Variants in DPP6 observed in about 807,000 individuals in gnomAD.
DPP6 encodes dipeptidyl peptidase like 6.
Under a neutral mutation model 122.6 loss-of-function variants are expected in DPP6, and 69 were observed. The ratio of observed to expected loss-of-function variants is 0.56; its 90% CI spans 0.46 to 0.69. The LOEUF is 0.69. Among genes scored for constraint, DPP6 ranks in the 30% least tolerant of loss-of-function variants. DPP6 has a pLI of 0.00. For missense variants in DPP6, 928 were observed against 1,116.9 expected, an observed-to-expected ratio of 0.83 and a Z score of 2.41; for synonymous variants, 418 against 433.1, an observed-to-expected ratio of 0.97 and a Z score of 0.43.
rs529461437 is a variant in DPP6, at chr7:154,889,166, G to A, written c.2305-106G>A. 1.0e-4 allele frequency: 155 copies of A among 1,477,832 alleles called. No homozygotes were observed. The Middle Eastern group carries it at 1.8e-3, about 18-fold the overall frequency. 91.5% of individuals were successfully genotyped at this position (1,477,832 alleles called of 1,614,324 possible). ...CATCCCGGTTCTCCGGGAACTTAGT[G>A]TTTTCAATACACTTCACCTACCTTC... On this transcript the variant is annotated intron_variant, in intron 23 of 25. Coordinates refer to ENST00000377770, the MANE Select transcript of DPP6 (RefSeq NM_130797.4).
At chr7:154,293,472 G>A (rs1025004787) in intron 1 of DPP6, among the ~76,000 whole-genome samples, 30 of 152,268 alleles carry the variant, frequency 2.0e-4, no homozygotes, top group African/African-American at 7.0e-4. Flanking sequence ...GGAGAGGGGG[G>A]AAATGGAGCC....
intron 1 of DPP6, among the ~76,000 whole-genome samples, chr7:153,998,895 C>A (rs1012787173): frequency 1.3e-5 from 2 of 152,216 alleles, no homozygotes; most frequent in African/African-American, 4.8e-5. Flanking sequence ...GATAGAGAGT[C>A]AATTATGCCT....
upstream of DPP6, among the ~76,000 whole-genome samples, chr7:154,050,103 T>G (rs151259356): frequency 8.4e-3 from 1,283 of 152,344 alleles, 13 homozygotes; most frequent in South Asian, 0.028. Flanking sequence ...CCTCCGTTTC[T>G]TCTGCTTAAT....
At position 154,807,109 on chromosome 7, in the gene DPP6, G is replaced by A. The variant is rs1484002939; in HGVS notation, c.1663G>A (p.Glu555Lys). ...CATGGACTTCTTCCTGCTCAAGTGCGAAGGTCAGCTCCTGCCACCCCGTCA... is the reference window on the plus strand; with the variant it reads ...CATGGACTTCTTCCTGCTCAAGTGCAAAGGTCAGCTCCTGCCACCCCGTCA... ...HSMDFFLLKC[E>K]GPGVPMVTVH... Residue 555 changes from glutamate (E) to lysine (K), a missense_variant, in exon 16 of 26, where the codon GAA becomes AAA. Coordinates refer to ENST00000377770, the MANE Select transcript of DPP6 (RefSeq NM_130797.4). 15 of 1,611,692 alleles carry A rather than the reference G, an allele frequency of 9.3e-6. No homozygotes were observed. Among genetic ancestry groups the A allele is most frequent in the Non-Finnish European group, 1.2e-5 (14 of 1,179,248 alleles).
the DPP6 span, among the ~76,000 whole-genome samples, chr7:153,798,345 C>A: frequency 6.6e-6 from 1 of 152,196 alleles, no homozygotes; most frequent in Non-Finnish European, 1.5e-5. Flanking sequence ...GATATTGGTT[C>A]TTTGGTTTTC....
rs558359171 is a variant in DPP6 at position 154,795,951 on chromosome 7, G to A, written c.1299+68G>A. The A allele has an allele frequency of 2.1e-5, 33 of 1,555,612 alleles. No homozygotes were observed. In the Admixed American group the frequency reaches 6.6e-4, roughly 31 times the overall value. ...ATCCACCCCAGGGCTGGCCCTCAGA[G>A]CTTCGACAACAGCAGAATGGCTTCT... On this transcript the variant is annotated intron_variant, in intron 12 of 25. Transcript: ENST00000377770.
intron 1 of DPP6, among the ~76,000 whole-genome samples, chr7:153,944,497 G>A (rs184410597): frequency 9.3e-4 from 141 of 152,062 alleles, no homozygotes; most frequent in Middle Eastern, 3.4e-3. Flanking sequence ...CACCTTCCTC[G>A]AAGGGGTGGC....
intron 1 of DPP6, among the ~76,000 whole-genome samples, chr7:154,101,618 T>C (rs1805730120): frequency 6.6e-6 from 1 of 151,942 alleles, no homozygotes; most frequent in Non-Finnish European, 1.5e-5. Context: ...ACTAGGATGT[T>C]GCATGGAGAT....
chr7:154,761,718 T>C (rs909186356), intron 8 of DPP6, among the ~76,000 whole-genome samples: 1 of 151,986 alleles, frequency 6.6e-6, no homozygotes, highest in Non-Finnish European at 1.5e-5. Context: ...GGTTTTATTT[T>C]ATTTTTATTT....
At chr7:154,063,985 A>T (rs1372332123) in intron 1 of DPP6, among the ~76,000 whole-genome samples, 1 of 151,980 alleles carries the variant, frequency 6.6e-6, no homozygotes, top group Non-Finnish European at 1.5e-5. Context: ...GCAAACGCAA[A>T]GCCCAGGAAG....
At position 154,282,116 on chromosome 7, in the gene DPP6, G is replaced by T. The variant is rs1804554147; in HGVS notation, c.244-164098G>T. 6.6e-6 allele frequency among the ~76,000 whole-genome samples: 1 copy of T among 152,206 alleles called. No individual in the cohort carries two copies. The highest frequency in any genetic ancestry group is 1.5e-5 in the Non-Finnish European group (1 of 68,010). ...CAAGTGTAATGATGTGTGTTGAGGG[G>T]TGGGGACAGGGCTGGCACAGTGCCT... is the stretch of plus-strand genomic sequence containing the variant. On this transcript the variant is annotated intron_variant, in intron 1 of 25. Coordinates refer to ENST00000377770, the MANE Select transcript of DPP6 (RefSeq NM_130797.4). This position sits in a 1 kb window ranked among gnomAD's most constrained non-coding sequence, Gnocchi z 4.8.
chr7:154,616,521 T>G (rs1479504754), intron 5 of DPP6, among the ~76,000 whole-genome samples: 1 of 151,974 alleles, frequency 6.6e-6, no homozygotes, highest in Non-Finnish European at 1.5e-5. Context: ...GTTGCTGGTT[T>G]AGGAGGGCTG....
At chr7:154,832,947 A>T (rs184596742) in intron 16 of DPP6, among the ~76,000 whole-genome samples, 17 of 152,360 alleles carry the variant, frequency 1.1e-4, no homozygotes, top group Admixed American at 1.0e-3. Flanking sequence ...CGAGCCCTCC[A>T]GTTCGAGAAG....
intron 8 of DPP6, among the ~76,000 whole-genome samples, chr7:154,740,816 C>A (rs1267975633): frequency 6.6e-6 from 1 of 152,088 alleles, no homozygotes; most frequent in Non-Finnish European, 1.5e-5. Context: ...AGGACATTTG[C>A]GTACTGGGAG....
At chr7:153,869,122 T>C in the DPP6 span, among the ~76,000 whole-genome samples, 196 of 152,286 alleles carry the variant, frequency 1.3e-3, no homozygotes, top group African/African-American at 4.5e-3. Flanking sequence ...AAAGAATGTA[T>C]ATTCTGTTGA....
intron 5 of DPP6, among the ~76,000 whole-genome samples, chr7:154,636,844 G>C (rs1835756041): frequency 6.6e-6 from 1 of 152,158 alleles, no homozygotes; most frequent in African/African-American, 2.4e-5. Flanking sequence ...CCTTGGATAT[G>C]TCTGCCTTTG....
Position 154,190,815 on chromosome 7 carries a change from T to C in DPP6, c.243+137752T>C, listed in dbSNP as rs188576680. On this transcript the variant is annotated intron_variant, in intron 1 of 25. Coordinates refer to ENST00000377770, the MANE Select transcript of DPP6 (RefSeq NM_130797.4). ...AAGCAAAAAGGGCATTGAATAGGTT[T>C]TTCATAGGATGGCCCTTCAAATAAC... Among the ~76,000 whole-genome samples the C allele has an allele frequency of 2.6e-3, 394 of 152,292 alleles. 5 individuals are homozygous for C. Among genetic ancestry groups the C allele is most frequent in the Non-Finnish European group, 3.1e-3 (212 of 68,028 alleles).
Position 154,248,595 on chromosome 7 carries a change from G to A in DPP6, c.243+195532G>A, listed in dbSNP as rs892440015. Among the ~76,000 whole-genome samples the A allele has an allele frequency of 7.9e-5, 12 of 152,182 alleles. No individual in the cohort carries two copies. In the South Asian group the frequency reaches 1.0e-3, roughly 13 times the overall value. ...AAGTCATTGAATTAGGCTGGGCGCC[G>A]TGGCTCACACCTGTAATCCCAGCAC... On this transcript the variant is annotated intron_variant, in intron 1 of 25. Transcript: ENST00000377770.
At chr7:154,751,395 T>A (rs1843373961) in intron 8 of DPP6, among the ~76,000 whole-genome samples, 1 of 150,124 alleles carries the variant, frequency 6.7e-6, no homozygotes, top group South Asian at 2.1e-4. Flanking sequence ...AGGTCAGGAG[T>A]TCGAGACCAG....
Sources: gnomAD v4.1 joint callset for allele counts (sites outside exome capture counted in the v4.1 genomes callset) on GRCh38, gnomAD v4.1.1 for gene constraint, Gnocchi (gnomAD v3.1) non-coding constraint, MANE v1.5 for transcripts, NCBI Gene and HGNC (gene_info 2026-07-23, HGNC 2026-07-21) for gene names.